Variants in GSE1 observed in about 807,000 individuals in gnomAD.
GSE1 encodes genetic suppressor element 1.
GSE1 carries 32 observed loss-of-function variants against 112.6 expected under a neutral mutation model. That is an observed-to-expected ratio of 0.28 (90% CI 0.21 to 0.38). GSE1 has a LOEUF of 0.38. GSE1 is among the 10% of genes least tolerant of loss of function. The pLI, the probability that GSE1 is intolerant of heterozygous loss-of-function variation, is 1.00. For synonymous variants in GSE1, 1,115 were observed against 735.6 expected, an observed-to-expected ratio of 1.52 and a Z score of -8.35; for missense variants, 2,348 against 1,699.2, an observed-to-expected ratio of 1.38 and a Z score of -6.71.
chr16:85,589,922 C>G (rs906143262), intron 1 of GSE1, among the ~76,000 whole-genome samples: 1 of 151,808 alleles, frequency 6.6e-6, no homozygotes, highest in African/African-American at 2.4e-5. Context: ...AGTGATTGAG[C>G]ATGAATGTGA....
At position 85,575,470 on chromosome 16, in the gene GSE1, T is replaced by TCCCTCTCGTCTC. The variant is rs367924751; in HGVS notation, c.37+19126_37+19137dup. ...GCTGTGTGCCCTGTGGGGACCGGCTTCCCTCTCGTCTCCCCTCTCGTCTCC... is the reference window on the plus strand; with the variant it reads ...GCTGTGTGCCCTGTGGGGACCGGCTTCCCTCTCGTCTCCCCTCTCGTCTCCCCTCTCGTCTCC... On this transcript the variant is annotated intron_variant, in intron 1 of 2. Coordinates refer to the GSE1 transcript ENST00000635906. Among the ~76,000 whole-genome samples, 305 of 152,198 alleles carry TCCCTCTCGTCTC rather than the reference T, an allele frequency of 2.0e-3. 2 individuals are homozygous for TCCCTCTCGTCTC. Among genetic ancestry groups the TCCCTCTCGTCTC allele is most frequent in the African/African-American group, 5.8e-3 (241 of 41,522 alleles).
At chr16:85,524,402 G>A (rs1450482871) in intron 2 of GSE1, among the ~76,000 whole-genome samples, 1 of 152,154 alleles carries the variant, frequency 6.6e-6, no homozygotes, top group Non-Finnish European at 1.5e-5. Context: ...TGCCTGCGAA[G>A]CTCAGAATGG....
intron 1 of GSE1, among the ~76,000 whole-genome samples, chr16:85,559,317 C>A (rs974418558): frequency 3.3e-5 from 5 of 152,186 alleles, no homozygotes; most frequent in Non-Finnish European, 7.3e-5. Flanking sequence ...TTGGGAGTGG[C>A]GGAGCTGGGA....
chr16:85,239,987 C>T (rs535822275), intron 1 of GSE1, among the ~76,000 whole-genome samples: 1 of 152,356 alleles, frequency 6.6e-6, no homozygotes, highest in South Asian at 2.1e-4. Context: ...GTGCGCTTCA[C>T]TGTAAATGTC....
chr16:85,658,040 T>G (rs1393104871), intron 8 of GSE1, among the ~76,000 whole-genome samples: 1 of 152,264 alleles, frequency 6.6e-6, no homozygotes, highest in East Asian at 1.9e-4. Context: ...AAAATGAGTT[T>G]TATTGCTTTT....
chr16:85,535,071 C>T (rs2044277338), intron 2 of GSE1, among the ~76,000 whole-genome samples: 1 of 152,120 alleles, frequency 6.6e-6, no homozygotes, highest in Admixed American at 6.5e-5. Context: ...GAGCAGGGGA[C>T]CCAGGCCTTC....
intron 1 of GSE1, among the ~76,000 whole-genome samples, chr16:85,323,487 G>A (rs972999089): frequency 6.6e-6 from 1 of 152,168 alleles, no homozygotes; most frequent in African/African-American, 2.4e-5. Flanking sequence ...CAGGGCGTCT[G>A]GGGGGAAAGT....
exon 2 of GSE1, chr16:85,357,520 G>A (rs1488951004): frequency 2.4e-6 from 3 of 1,267,938 alleles, no homozygotes; most frequent in Non-Finnish European, 3.1e-6. Flanking sequence ...CCGGGAGTCC[G>A]AGACCCGGCC....
intron 1 of GSE1, among the ~76,000 whole-genome samples, chr16:85,337,969 C>A (rs577529886): frequency 6.6e-6 from 1 of 152,324 alleles, no homozygotes; most frequent in South Asian, 2.1e-4. Flanking sequence ...AGGTTCTTCC[C>A]ACCTCTGAGC....
chr16:85,171,934 C>A, intron 1 of GSE1: 2 of 470,404 alleles, frequency 4.3e-6, no homozygotes, highest in South Asian at 9.0e-5. Flanking sequence ...GCGGGGTGTT[C>A]CGGGGGAGGT....
intron 1 of GSE1, among the ~76,000 whole-genome samples, chr16:85,211,769 AG>A (rs2075230336): frequency 1.3e-5 from 2 of 152,204 alleles, no homozygotes; most frequent in South Asian, 4.1e-4. Context: ...GTGCCTGCCC[AG>A]TGCCACTCCG....
chr16:85,472,359 T>TC (rs1435817378), intron 2 of GSE1, among the ~76,000 whole-genome samples: 1 of 152,152 alleles, frequency 6.6e-6, no homozygotes, highest in Non-Finnish European at 1.5e-5. Flanking sequence ...CTCTGGTAGC[T>TC]CCGGGCGTTC....
chr16:85,592,611 C>G (rs939392733), intron 1 of GSE1: 4 of 152,228 alleles, frequency 2.6e-5, no homozygotes, highest in African/African-American at 9.6e-5. Flanking sequence ...AAATTTCTCT[C>G]CAGCAGAATG....
chr16:85,226,336 T>G (rs2075485080), intron 1 of GSE1, among the ~76,000 whole-genome samples: 1 of 152,262 alleles, frequency 6.6e-6, no homozygotes, highest in Admixed American at 6.5e-5. Flanking sequence ...GATAGTCATC[T>G]ACAATTTTAT....
intron 2 of GSE1, among the ~76,000 whole-genome samples, chr16:85,384,230 C>A (rs575893788): frequency 1.6e-4 from 24 of 152,306 alleles, no homozygotes; most frequent in African/African-American, 4.8e-4. Flanking sequence ...GGCCCCGAGA[C>A]CCTCTCCGAG....
At chr16:85,197,495 A>C (rs1190919192) in intron 1 of GSE1, among the ~76,000 whole-genome samples, 6 of 152,194 alleles carry the variant, frequency 3.9e-5, no homozygotes, top group African/African-American at 7.2e-5. Context: ...TTAAAATCCC[A>C]AATCTTTTAT....
chr16:85,611,781 G>C (rs541707063), upstream of GSE1, among the ~76,000 whole-genome samples: 197 of 151,958 alleles, frequency 1.3e-3, no homozygotes, highest in African/African-American at 4.6e-3. Context: ...CTCTAGGCCC[G>C]CCAGCGTCAT....
Position 85,618,234 on chromosome 16 carries a change from A to G in GSE1, c.7+4836A>G, listed in dbSNP as rs564737921. Among the ~76,000 whole-genome samples the G allele has an allele frequency of 8.5e-5, 13 of 152,144 alleles. No homozygotes were observed. In the South Asian group the frequency reaches 2.5e-3, roughly 29 times the overall value. On this transcript the variant is annotated intron_variant, in intron 1 of 15. Transcript: ENST00000253458. ...GAGGGGGGTGCGTGCTAATGGTGAC[A>G]TAGATCCTTCCACTTTAATCATCAC...
intron 1 of GSE1, among the ~76,000 whole-genome samples, chr16:85,264,149 G>A (rs1487300829): frequency 6.6e-6 from 1 of 152,214 alleles, no homozygotes; most frequent in East Asian, 1.9e-4. Flanking sequence ...ACAACCTGTT[G>A]TGGGAGGGTG....
Sources: allele counts gnomAD v4.1 joint callset (sites outside exome capture counted in the v4.1 genomes callset), GRCh38; gene constraint gnomAD v4.1.1; transcripts MANE v1.5; gene names NCBI Gene and HGNC (gene_info 2026-07-23, HGNC 2026-07-21).